The following SLC35F4 variants were observed in gnomAD, a reference collection of about 807,000 sequenced individuals.
SLC35F4 encodes chromosome 14 open reading frame 36.
SLC35F4 carries 24 observed loss-of-function variants against 44.2 expected under a neutral mutation model. The observed-to-expected ratio is 0.54, with a 90% CI of 0.39 to 0.76. The LOEUF (loss-of-function observed/expected upper bound fraction) is 0.76, where lower values mean the gene tolerates loss of function less well. Among genes scored for constraint, SLC35F4 ranks in the 30% least tolerant of loss-of-function variants. The probability of loss-of-function intolerance (pLI) is 0.00; values close to 1 mark genes in which losing one functional copy is unlikely to be tolerated. For missense variants in SLC35F4, 562 were observed against 586.1 expected (o/e 0.96, Z 0.42); for synonymous variants, 238 against 223.6 (o/e 1.06, Z -0.57).
intron 1 of SLC35F4, among the ~76,000 whole-genome samples, chr14:57,798,512 C>T (rs2140841797): frequency 6.6e-6 from 1 of 152,308 alleles, no homozygotes; most frequent in East Asian, 1.9e-4. Context: ...TCTGAAACTT[C>T]CTTCAGACCA....
intron 1 of SLC35F4, among the ~76,000 whole-genome samples, chr14:57,739,960 A>G (rs1214969230): frequency 1.2e-4 from 19 of 152,146 alleles, no homozygotes; most frequent in Admixed American, 1.2e-3. Context: ...GCGGGGTTCA[A>G]GCAATTCTCC....
chr14:57,714,402 C>A (rs2075887702), intron 1 of SLC35F4, among the ~76,000 whole-genome samples: 1 of 152,126 alleles, frequency 6.6e-6, no homozygotes, highest in Admixed American at 6.5e-5. Context: ...CATTGAGAGT[C>A]TTAAAAACAA....
upstream of SLC35F4, among the ~76,000 whole-genome samples, chr14:57,982,975 G>A (rs369070962): frequency 4.0e-4 from 61 of 152,314 alleles, no homozygotes; most frequent in Middle Eastern, 0.027. Flanking sequence ...CCCTGTTCAA[G>A]GACTCTTGTT....
At chr14:57,675,335 C>G (rs1286725625) in intron 1 of SLC35F4, among the ~76,000 whole-genome samples, 1 of 152,006 alleles carries the variant, frequency 6.6e-6, no homozygotes, top group African/African-American at 2.4e-5. Flanking sequence ...GAAGCATAGC[C>G]TACTATCCGC....
intron 1 of SLC35F4, among the ~76,000 whole-genome samples, chr14:57,706,857 T>A (rs372424356): frequency 1.3e-5 from 2 of 152,210 alleles, no homozygotes; most frequent in East Asian, 3.8e-4. Flanking sequence ...GAATGTGAAT[T>A]TTCTCTTAAG....
chr14:57,906,466 C>T (rs1168497098), intron 1 of SLC35F4, among the ~76,000 whole-genome samples: 1 of 152,116 alleles, frequency 6.6e-6, no homozygotes, highest in East Asian at 1.9e-4. Context: ...CTTATTTAAC[C>T]AGTGCCCTAA....
chr14:57,969,265 C>G (rs960636984), intron 1 of SLC35F4, among the ~76,000 whole-genome samples: 7 of 152,170 alleles, frequency 4.6e-5, no homozygotes, highest in African/African-American at 9.7e-5. Flanking sequence ...TCCTAACACA[C>G]AGATTATCCT....
In SLC35F4 at chr14:57,589,492, T is replaced by C; in HGVS notation, c.311A>G (p.His104Arg). 2 of 1,613,010 alleles carry C rather than the reference T, an allele frequency of 1.2e-6. No individual in the cohort carries two copies. The highest frequency in any genetic ancestry group is 1.7e-5 in the Admixed American group (1 of 59,914). The change falls in exon 3 of 8, where the codon CAT becomes CGT. Residue 104 changes from histidine (H) to arginine (R), a missense_variant. Coordinates refer to ENST00000556826, the MANE Select transcript of SLC35F4 (RefSeq NM_001306087.2). ...GTTTTCTTGGCTGCTGTTCTCAGAATGAGTCTGTGTCCCATCGTCTGCTGG... is the reference window on the plus strand; with the variant it reads ...GTTTTCTTGGCTGCTGTTCTCAGAACGAGTCTGTGTCCCATCGTCTGCTGG... ...NRSADDGTQT[H>R]SENSSQENRI...
chr14:57,960,723 C>T (rs1431435621), intron 1 of SLC35F4, among the ~76,000 whole-genome samples: 1 of 152,086 alleles, frequency 6.6e-6, no homozygotes, highest in Non-Finnish European at 1.5e-5. Flanking sequence ...ATTTCATGAG[C>T]AGTTTCCTGG....
chr14:57,899,372 C>A (rs12431753), intron 1 of SLC35F4, among the ~76,000 whole-genome samples: 18,353 of 152,146 alleles, frequency 0.12, 1,357 homozygotes, highest in East Asian at 0.4. Context: ...TAAACTGGCT[C>A]ATAACCAGCA....
intron 1 of SLC35F4, among the ~76,000 whole-genome samples, chr14:57,595,549 T>C (rs571936292): frequency 1.3e-5 from 2 of 152,340 alleles, no homozygotes. Flanking sequence ...ATATATTATC[T>C]GGATTTCTTC....
chr14:57,927,342 G>T (rs1466475660), intron 1 of SLC35F4, among the ~76,000 whole-genome samples: 2 of 152,134 alleles, frequency 1.3e-5, no homozygotes, highest in African/African-American at 2.4e-5. Flanking sequence ...GCTTCTCCTG[G>T]TGGTTCAAAG....
intron 1 of SLC35F4, among the ~76,000 whole-genome samples, chr14:57,909,590 G>T (rs570091888): frequency 6.6e-6 from 1 of 150,514 alleles, no homozygotes; most frequent in Non-Finnish European, 1.5e-5. Context: ...ACACAGATCG[G>T]TTTCTTTTCA....
At chr14:57,897,811 C>A (rs574291678) in intron 1 of SLC35F4, among the ~76,000 whole-genome samples, 1 of 152,252 alleles carries the variant, frequency 6.6e-6, no homozygotes, top group East Asian at 1.9e-4. Flanking sequence ...GTAGCCCCCA[C>A]AAATGGTATC....
chr14:57,941,085 A>G (rs988348466), intron 1 of SLC35F4, among the ~76,000 whole-genome samples: 4 of 152,214 alleles, frequency 2.6e-5, no homozygotes, highest in Non-Finnish European at 5.9e-5. Context: ...ACCCTTGTAC[A>G]TTACTGGTGG....
chr14:57,870,156 G>GTGTGTGTGTGTGTGTC (rs1211320834), upstream of SLC35F4, among the ~76,000 whole-genome samples: 85 of 150,956 alleles, frequency 5.6e-4, no homozygotes, highest in African/African-American at 2.0e-3. Flanking sequence ...GTGTGTGTGT[G>GTGTGTGTGTGTGTGTC]TCTGTGTCTC....
chr14:57,846,682 T>C (rs896948253), intron 1 of SLC35F4, among the ~76,000 whole-genome samples: 1 of 152,202 alleles, frequency 6.6e-6, no homozygotes, highest in African/African-American at 2.4e-5. Flanking sequence ...TTTTCTTGAA[T>C]TAATATGGCT....
chr14:57,690,209 C>G (rs1334476136), intron 1 of SLC35F4, among the ~76,000 whole-genome samples: 1 of 152,216 alleles, frequency 6.6e-6, no homozygotes, highest in East Asian at 1.9e-4. Flanking sequence ...CCATTATAAG[C>G]TGTTTATTTG....
intron 1 of SLC35F4, among the ~76,000 whole-genome samples, chr14:57,952,276 T>A (rs1890155691): frequency 6.6e-6 from 1 of 151,790 alleles, no homozygotes; most frequent in African/African-American, 2.4e-5. Context: ...AAAAACCCCA[T>A]CTGAAGGTCA....
Sources: allele counts gnomAD v4.1 joint callset (sites outside exome capture counted in the v4.1 genomes callset), GRCh38; gene constraint gnomAD v4.1.1; transcripts MANE v1.5; gene names NCBI Gene and HGNC (gene_info 2026-07-23, HGNC 2026-07-21).